Variants in SHMT1 observed in about 807,000 individuals in gnomAD.
The protein encoded by SHMT1 is serine hydroxymethyltransferase, cytosolic.
SHMT1 carries 45 observed loss-of-function variants against 49.0 expected under a neutral mutation model. That is an observed-to-expected ratio of 0.92 (90% CI 0.72 to 1.18). SHMT1 has a LOEUF of 1.18. SHMT1 is among the 50% of genes most tolerant of loss of function. SHMT1 has a pLI of 0.00. For missense variants in SHMT1, 541 were observed against 612.4 expected (o/e 0.88, Z 1.23); for synonymous variants, 232 against 246.6 (o/e 0.94, Z 0.55).
intron 7 of SHMT1, 67 bp from the exon 8 acceptor site, chr17:18,335,742 AC>A: frequency 1.8e-6 from 2 of 1,121,240 alleles, no homozygotes; most frequent in Non-Finnish European, 2.7e-6. Context: ...TTAGGCTCAA[AC>A]CCAGACTGGC....
intron 1 of SHMT1, among the ~76,000 whole-genome samples, chr17:18,361,743 G>A (rs953187638): frequency 2.0e-5 from 3 of 150,892 alleles, no homozygotes; most frequent in Non-Finnish European, 4.4e-5. Context: ...CCGAGATCGC[G>A]CCACTGCTCT....
chr17:18,347,780 CTCCAGGAGG>C, intron 4 of SHMT1, 124 bp from the exon 5 acceptor site: 1 of 1,019,666 alleles, frequency 9.8e-7, no homozygotes, highest in Admixed American at 2.1e-5. Context: ...CTTCCCTGAG[CTCCAGGAGG>C]TGCCCCTTCA....
chr17:18,339,897 TA>T, intron 7 of SHMT1, 145 bp downstream of exon 7: 1 of 853,320 alleles, frequency 1.2e-6, no homozygotes, highest in Non-Finnish European at 1.9e-6. Flanking sequence ...TGCTCCTTCC[TA>T]AGCAGCTCTT....
At chr17:18,351,924 A>G (rs1985749076) in intron 3 of SHMT1, among the ~76,000 whole-genome samples, 1 of 152,120 alleles carries the variant, frequency 6.6e-6, no homozygotes, top group Non-Finnish European at 1.5e-5. Flanking sequence ...AGCTCACTGC[A>G]GCCTTTGATC....
intron 1 of SHMT1, among the ~76,000 whole-genome samples, chr17:18,359,539 G>A (rs1420876748): frequency 6.6e-6 from 1 of 151,966 alleles, no homozygotes; most frequent in Non-Finnish European, 1.5e-5. Context: ...AATTGGGTGT[G>A]GTGGCACACA....
intron 7 of SHMT1, among the ~76,000 whole-genome samples, chr17:18,338,893 GGGACACAAACACTGC>G (rs1984153528): frequency 6.6e-6 from 1 of 152,024 alleles, no homozygotes; most frequent in Admixed American, 6.6e-5. Context: ...CAAGTACCCA[GGGACACAAACACTGC>G]GGAAAGCCGC....
intron 1 of SHMT1, among the ~76,000 whole-genome samples, chr17:18,361,076 C>A (rs752004222): frequency 6.6e-6 from 1 of 151,640 alleles, no homozygotes; most frequent in African/African-American, 2.4e-5. Flanking sequence ...GAGGCCAAGG[C>A]GGGTGCATCA....
At chr17:18,342,880 G>C (rs188805189) in intron 5 of SHMT1, among the ~76,000 whole-genome samples, 291 of 151,758 alleles carry the variant, frequency 1.9e-3, no homozygotes, top group African/African-American at 6.8e-3. Flanking sequence ...AGGTTGCAGT[G>C]AGTCAAGATG....
At chr17:18,353,916 C>G in intron 2 of SHMT1, 99 bp from the exon 3 acceptor site, 1 of 1,037,782 alleles carries the variant, frequency 9.6e-7, no homozygotes, top group Non-Finnish European at 1.5e-6. Flanking sequence ...GACACTCTTT[C>G]ACATTATGGA....
At chr17:18,358,946 A>C (rs1986504844) in intron 1 of SHMT1, among the ~76,000 whole-genome samples, 2 of 151,564 alleles carry the variant, frequency 1.3e-5, no homozygotes, top group Non-Finnish European at 2.9e-5. Flanking sequence ...TTGTTTGAAT[A>C]TAAATCTTCC....
intron 5 of SHMT1, among the ~76,000 whole-genome samples, chr17:18,342,174 AG>A (rs1984588777): frequency 1.3e-5 from 2 of 152,244 alleles, no homozygotes; most frequent in Non-Finnish European, 2.9e-5. Context: ...GAATGGACAA[AG>A]GAAATGTGAC....
Position 18,330,529 on chromosome 17 carries a change from AAGG to A in SHMT1, c.1171+23_1171+25del, listed in dbSNP as rs766690866. 62 of 1,467,648 alleles carry A rather than the reference AAGG, an allele frequency of 4.2e-5. No individual in the cohort carries two copies. The East Asian group carries it at 1.0e-3, about 24-fold the overall frequency. The allele number at this position is 1,467,648 out of a possible 1,614,324, so 90.9% of individuals were successfully genotyped here. ...AAGAAATGCAGATGGGAGAGGAGTGAAGGAGAAGGCAAGGATGATTCTCACCTG... is the reference window on the plus strand; with the variant it reads ...AAGAAATGCAGATGGGAGAGGAGTGAAGAAGGCAAGGATGATTCTCACCTG... On this transcript the variant is annotated intron_variant, in intron 10 of 11. Transcript: ENST00000316694.
intron 8 of SHMT1, among the ~76,000 whole-genome samples, chr17:18,334,349 A>G (rs4925175): frequency 0.056 from 8,555 of 152,128 alleles, 647 homozygotes; most frequent in African/African-American, 0.17. Context: ...TCAGCCTCCC[A>G]AAGTGCTGGG....
At chr17:18,330,971 T>C (rs768159181) in intron 9 of SHMT1, 13 of 423,170 alleles carry the variant, frequency 3.1e-5, no homozygotes, top group Non-Finnish European at 5.4e-5. Context: ...ACAAGTTGCT[T>C]GGGCAATTCC....
At chr17:18,346,568 A>C (rs1194748509) in intron 5 of SHMT1, among the ~76,000 whole-genome samples, 2 of 152,182 alleles carry the variant, frequency 1.3e-5, no homozygotes, top group South Asian at 4.1e-4. Context: ...AGGTATGTGC[A>C]GTGGGGTGGC....
At position 18,329,281 on chromosome 17, in the gene SHMT1, T is replaced by C. The variant is rs1222889468; in HGVS notation, c.1279A>G (p.Arg427Gly). 1.2e-6 allele frequency: 2 copies of C among 1,608,296 alleles called. No homozygotes were observed. Reference protein sequence around the residue: ...DFQKVAHFIHRGIELTLQIQS... With the variant: ...DFQKVAHFIHGGIELTLQIQS... ...ACTTCCAAACTTTTATCCTTACCTC[T>C]GTGAATAAAGTGGGCTACTTTTTGG... Residue 427 changes from arginine to glycine, a missense_variant, in exon 11 of 12, where the codon AGA becomes GGA. Coordinates refer to ENST00000316694, the MANE Select transcript of SHMT1 (RefSeq NM_004169.5).
chr17:18,352,382 G>A (rs1336719496), intron 3 of SHMT1, among the ~76,000 whole-genome samples: 1 of 152,020 alleles, frequency 6.6e-6, no homozygotes, highest in African/African-American at 2.4e-5. Flanking sequence ...TCCTGACCTC[G>A]TGATCCGCCC....
intron 1 of SHMT1, among the ~76,000 whole-genome samples, chr17:18,357,727 G>A (rs1986368128): frequency 6.6e-6 from 1 of 152,014 alleles, no homozygotes; most frequent in Admixed American, 6.6e-5. Flanking sequence ...CTCAGGGCCA[G>A]GCATGGCAAC....
At chr17:18,342,694 G>A (rs1230978769) in intron 5 of SHMT1, among the ~76,000 whole-genome samples, 1 of 152,014 alleles carries the variant, frequency 6.6e-6, no homozygotes. Context: ...CCAGCACTTT[G>A]GGAGGCCGAG....
Sources: gnomAD v4.1 joint callset for allele counts (sites outside exome capture counted in the v4.1 genomes callset) on GRCh38, gnomAD v4.1.1 for gene constraint, MANE v1.5 for transcripts, NCBI Gene and HGNC (gene_info 2026-07-23, HGNC 2026-07-21) for gene names.